The following CYRIB variants were observed in gnomAD, a reference collection of about 807,000 sequenced individuals.
CYRIB encodes the protein CYFIP related Rac1 interactor B.
CYRIB carries 8 observed loss-of-function variants against 44.2 expected under a neutral mutation model. That is an observed-to-expected ratio of 0.18 (90% CI 0.11 to 0.33). The LOEUF (loss-of-function observed/expected upper bound fraction) is 0.33. Ranked by LOEUF, CYRIB falls within the 10% of genes least tolerant of loss-of-function variation. CYRIB has a pLI of 1.00. For synonymous variants in CYRIB, 131 were observed against 127.2 expected, an observed-to-expected ratio of 1.03 and a Z score of -0.20; for missense variants, 185 against 382.8, an observed-to-expected ratio of 0.48 and a Z score of 4.31.
intron 1 of CYRIB, among the ~76,000 whole-genome samples, chr8:129,983,370 A>G (rs1030096073): frequency 6.6e-6 from 1 of 152,186 alleles, no homozygotes; most frequent in African/African-American, 2.4e-5. Flanking sequence ...GCGAGAACCC[A>G]GGAGGCGGAG....
intron 1 of CYRIB, among the ~76,000 whole-genome samples, chr8:129,989,530 G>C (rs2096569346): frequency 6.6e-6 from 1 of 152,148 alleles, no homozygotes; most frequent in African/African-American, 2.4e-5. Flanking sequence ...GTAGGTAGCA[G>C]GTGCATGGCC....
chr8:129,982,315 C>T (rs900885902), intron 1 of CYRIB, among the ~76,000 whole-genome samples: 2 of 152,214 alleles, frequency 1.3e-5, no homozygotes, highest in Non-Finnish European at 2.9e-5. Flanking sequence ...CTGAACTATC[C>T]AATACCTTAG....
intron 9 of CYRIB, 89 bp from the exon 12 acceptor site, chr8:129,849,458 T>C (rs2042107286): frequency 3.1e-6 from 4 of 1,303,840 alleles, no homozygotes; most frequent in African/African-American, 1.5e-5. Context: ...TCTTCTGAAA[T>C]ATTTTATTCA....
At chr8:129,907,023 A>AT (rs1447074671) in intron 1 of CYRIB, among the ~76,000 whole-genome samples, 7 of 152,242 alleles carry the variant, frequency 4.6e-5, no homozygotes, top group Non-Finnish European at 1.0e-4. Context: ...TAGTTCAACC[A>AT]TTGTGGAAGA....
At chr8:130,012,197 A>G (rs1166590715) in intron 1 of CYRIB, among the ~76,000 whole-genome samples, 1 of 152,118 alleles carries the variant, frequency 6.6e-6, no homozygotes, top group East Asian at 1.9e-4. Flanking sequence ...GTCCTCCAAA[A>G]GAAGGAAAAA....
chr8:129,984,063 A>G (rs1054254874), intron 1 of CYRIB, among the ~76,000 whole-genome samples: 1 of 152,052 alleles, frequency 6.6e-6, no homozygotes, highest in Non-Finnish European at 1.5e-5. Context: ...GGGCCTCCGT[A>G]TTTTTCCTCT....
chr8:129,985,646 GA>G (rs552778365), intron 1 of CYRIB, among the ~76,000 whole-genome samples: 9 of 149,192 alleles, frequency 6.0e-5, no homozygotes, highest in Non-Finnish European at 1.3e-4. Context: ...ATTGCTCTCA[GA>G]AAAAAAAAAT....
intron 1 of CYRIB, among the ~76,000 whole-genome samples, chr8:129,933,384 G>A (rs2092077063): frequency 6.6e-6 from 1 of 152,100 alleles, no homozygotes; most frequent in South Asian, 2.1e-4. Context: ...TTCAGGGAGA[G>A]ACTCAAAATT....
At chr8:129,879,332 A>G in intron 3 of CYRIB, 57 bp downstream of exon 5, 3 of 1,140,018 alleles carry the variant, frequency 2.6e-6, no homozygotes, top group Non-Finnish European at 4.0e-6. Flanking sequence ...CATTTAGTGC[A>G]AGACAAACGC....
chr8:130,005,365 A>C (rs2097028923), intron 1 of CYRIB, among the ~76,000 whole-genome samples: 1 of 152,148 alleles, frequency 6.6e-6, no homozygotes, highest in Non-Finnish European at 1.5e-5. Context: ...GGGACAGGCT[A>C]TCTGGTCAAA....
At chr8:129,991,692 G>A (rs1294226341) in intron 1 of CYRIB, among the ~76,000 whole-genome samples, 1 of 152,084 alleles carries the variant, frequency 6.6e-6, no homozygotes, top group Non-Finnish European at 1.5e-5. Flanking sequence ...GCTCATGCCT[G>A]TAATCCCAGC....
intron 1 of CYRIB, among the ~76,000 whole-genome samples, chr8:129,996,231 C>T (rs1419709225): frequency 6.6e-6 from 1 of 152,190 alleles, no homozygotes; most frequent in East Asian, 1.9e-4. Flanking sequence ...GGGAAGCCCT[C>T]CTTAACCTCT....
intron 2 of CYRIB, among the ~76,000 whole-genome samples, chr8:129,888,300 G>A (rs992563349): frequency 1.3e-5 from 2 of 152,140 alleles, no homozygotes; most frequent in Admixed American, 1.3e-4. Flanking sequence ...GGTTTCCTGA[G>A]ACCTTCCCAG....
chr8:129,847,624 G>C (rs1475255077), intron 10 of CYRIB, among the ~76,000 whole-genome samples: 1 of 152,200 alleles, frequency 6.6e-6, no homozygotes, highest in African/African-American at 2.4e-5. Context: ...TGAAAGCCAG[G>C]ATGAGTTATA....
At chr8:129,868,158 T>C (rs947390488) in intron 4 of CYRIB, among the ~76,000 whole-genome samples, 2 of 152,224 alleles carry the variant, frequency 1.3e-5, no homozygotes, top group African/African-American at 4.8e-5. Flanking sequence ...TTGGTGTATA[T>C]TCATCTTTTA....
At chr8:129,973,073 T>C (rs2095779487) in intron 1 of CYRIB, among the ~76,000 whole-genome samples, 1 of 152,180 alleles carries the variant, frequency 6.6e-6, no homozygotes, top group African/African-American at 2.4e-5. Context: ...ATTGTGGCCA[T>C]GGAAATAATT....
intron 2 of CYRIB, among the ~76,000 whole-genome samples, chr8:129,950,332 G>A (rs965561064): frequency 1.3e-5 from 2 of 152,204 alleles, no homozygotes; most frequent in Admixed American, 6.5e-5. Flanking sequence ...CACTTTGGGA[G>A]GCCATGGCAG....
At chr8:129,842,347 C>A in intron 11 of CYRIB, 142 bp from the exon 14 acceptor site, 1 of 637,152 alleles carries the variant, frequency 1.6e-6, no homozygotes. Flanking sequence ...TAACCCTGTT[C>A]AGGTTCTGCA....
chr8:129,854,239 T>A (rs1178431472), intron 7 of CYRIB, 27 bp downstream of exon 9: 10 of 1,504,332 alleles, frequency 6.6e-6, no homozygotes, highest in Non-Finnish European at 8.3e-6. Flanking sequence ...ACTCTTACCA[T>A]CCCCCTAATT....
Sources: allele counts gnomAD v4.1 joint callset (sites outside exome capture counted in the v4.1 genomes callset), GRCh38; gene constraint gnomAD v4.1.1; transcripts MANE v1.5; gene names NCBI Gene and HGNC (gene_info 2026-07-23, HGNC 2026-07-21).